NPAS3: variants seen among roughly 807,000 people sequenced by gnomAD.
The protein encoded by NPAS3 is neuronal PAS domain-containing protein 3.
A neutral mutation model predicts 73.1 loss-of-function variants in NPAS3; 14 were observed. The ratio of observed to expected loss-of-function variants is 0.19; its 90% CI spans 0.13 to 0.30. The LOEUF is 0.30. Among genes scored for constraint, NPAS3 ranks in the 10% least tolerant of loss-of-function variants. The pLI, the probability that NPAS3 is intolerant of heterozygous loss-of-function variation, is 1.00. For synonymous variants in NPAS3, 620 were observed against 541.5 expected, an observed-to-expected ratio of 1.14 and a Z score of -2.01; for missense variants, 1,096 against 1,250.0, an observed-to-expected ratio of 0.88 and a Z score of 1.86.
chr14:33,535,142 C>T (rs1438705488), intron 4 of NPAS3, among the ~76,000 whole-genome samples: 2 of 152,128 alleles, frequency 1.3e-5, no homozygotes, highest in African/African-American at 4.8e-5. Flanking sequence ...GTAGTATTTA[C>T]TCAAATTCTA....
chr14:33,197,520 G>C (rs1196168584), intron 2 of NPAS3, among the ~76,000 whole-genome samples: 2 of 150,706 alleles, frequency 1.3e-5, no homozygotes, highest in African/African-American at 2.4e-5. Flanking sequence ...GGAGCATATT[G>C]TCAGAAAAAA....
In NPAS3 at chr14:33,040,881, G is replaced by A. The variant is rs2040327118; in HGVS notation, c.51-15024G>A. 2.6e-5 allele frequency among the ~76,000 whole-genome samples: 4 copies of A among 152,262 alleles called. No homozygotes were observed. In the South Asian group the frequency reaches 8.3e-4, roughly 32 times the overall value. On this transcript the variant is annotated intron_variant, in intron 1 of 11. Coordinates refer to ENST00000356141, the Ensembl canonical transcript of NPAS3. Reference sequence around the variant, plus strand: ...CATAGAACTTGCATTTCACAGTGATGTTTTTCCCCCAAGCACCCGAACTTC... The same window carrying A: ...CATAGAACTTGCATTTCACAGTGATATTTTTCCCCCAAGCACCCGAACTTC...
At chr14:33,538,360 C>A (rs1162849919) in intron 4 of NPAS3, among the ~76,000 whole-genome samples, 1 of 152,186 alleles carries the variant, frequency 6.6e-6, no homozygotes, top group Admixed American at 6.5e-5. Flanking sequence ...AGAGTCAGAC[C>A]TTCTTCTCCC....
chr14:33,541,979 G>A (rs1012007815), intron 4 of NPAS3, among the ~76,000 whole-genome samples: 10 of 152,022 alleles, frequency 6.6e-5, no homozygotes, highest in South Asian at 2.1e-4. Context: ...GTTAGCCTCC[G>A]TCTCAAGACA....
At chr14:33,360,666 T>C (rs894016899) in intron 3 of NPAS3, among the ~76,000 whole-genome samples, 5 of 152,234 alleles carry the variant, frequency 3.3e-5, no homozygotes, top group Non-Finnish European at 5.9e-5. Context: ...ATCATTGTTC[T>C]TCTGGAATAA....
chr14:33,077,619 T>C (rs944282263), intron 2 of NPAS3, among the ~76,000 whole-genome samples: 5 of 152,144 alleles, frequency 3.3e-5, no homozygotes, highest in Admixed American at 6.5e-5. Flanking sequence ...AAAAGAAAGC[T>C]TTTGCACTCT....
At chr14:33,257,782 T>C (rs191674193) in intron 3 of NPAS3, among the ~76,000 whole-genome samples, 174 of 152,304 alleles carry the variant, frequency 1.1e-3, no homozygotes, top group Admixed American at 2.4e-3. Flanking sequence ...CCCCCAAGAA[T>C]AACTGTGCCT....
At chr14:33,205,979 G>A (rs1358770566) in intron 2 of NPAS3, among the ~76,000 whole-genome samples, 1 of 152,044 alleles carries the variant, frequency 6.6e-6, no homozygotes, top group Admixed American at 6.6e-5. Context: ...ATTTAGTTTG[G>A]GACTTATAGC....
At chr14:33,311,530 GA>G (rs1350989266) in intron 3 of NPAS3, among the ~76,000 whole-genome samples, 1 of 151,974 alleles carries the variant, frequency 6.6e-6, no homozygotes, top group Non-Finnish European at 1.5e-5. Flanking sequence ...GTGTCATCTG[GA>G]TATAGCTGGT....
chr14:33,325,974 G>A (rs1205434029), intron 3 of NPAS3, among the ~76,000 whole-genome samples: 2 of 152,102 alleles, frequency 1.3e-5, no homozygotes, highest in African/African-American at 4.8e-5. Context: ...AATAATTAGG[G>A]TACTCAAGAA....
At chr14:33,324,171 G>A (rs902698715) in intron 3 of NPAS3, among the ~76,000 whole-genome samples, 7 of 152,100 alleles carry the variant, frequency 4.6e-5, no homozygotes, top group Non-Finnish European at 8.8e-5. Context: ...TCTGCCAGTG[G>A]AGCATTTGCA....
intron 6 of NPAS3, among the ~76,000 whole-genome samples, chr14:33,690,210 T>A (rs1331539025): frequency 1.3e-5 from 2 of 152,150 alleles, no homozygotes; most frequent in East Asian, 3.9e-4. Context: ...GTGGCGGTAC[T>A]CGGTATTGGT....
At chr14:33,543,420 AT>A (rs1030980830) in intron 4 of NPAS3, among the ~76,000 whole-genome samples, 2 of 152,096 alleles carry the variant, frequency 1.3e-5, no homozygotes, top group Admixed American at 6.5e-5. Flanking sequence ...TTCTTTATAG[AT>A]TTTATATCAG....
At chr14:33,432,554 C>A (rs2048826585) in intron 4 of NPAS3, among the ~76,000 whole-genome samples, 1 of 152,112 alleles carries the variant, frequency 6.6e-6, no homozygotes, top group South Asian at 2.1e-4. Context: ...CATGTTGACT[C>A]CACTTTGAAC....
chr14:33,278,012 G>A (rs1220593539), intron 3 of NPAS3, among the ~76,000 whole-genome samples: 1 of 152,038 alleles, frequency 6.6e-6, no homozygotes, highest in Non-Finnish European at 1.5e-5. Context: ...CGTACACTAA[G>A]GTATGGTGAA....
intron 3 of NPAS3, among the ~76,000 whole-genome samples, chr14:33,291,823 C>T (rs192842634): frequency 2.4e-4 from 37 of 152,298 alleles, no homozygotes; most frequent in African/African-American, 7.5e-4. Flanking sequence ...GAAGGTATTA[C>T]GGAATAACGG....
At chr14:33,747,474 G>A (rs1433872844) in intron 7 of NPAS3, among the ~76,000 whole-genome samples, 1 of 152,054 alleles carries the variant, frequency 6.6e-6, no homozygotes. Context: ...ATCCCTCTAG[G>A]GATGCCCCCC....
At chr14:33,795,572 G>A (rs1415952542) in intron 10 of NPAS3, among the ~76,000 whole-genome samples, 4 of 152,166 alleles carry the variant, frequency 2.6e-5, no homozygotes, top group East Asian at 1.9e-4. Context: ...AGAATTAAAC[G>A]CTGGAAACAG....
chr14:33,164,077 T>C (rs1459042071), intron 2 of NPAS3, among the ~76,000 whole-genome samples: 1 of 152,214 alleles, frequency 6.6e-6, no homozygotes, highest in Non-Finnish European at 1.5e-5. Flanking sequence ...GCCAAATATT[T>C]CAAAATGATA....
Sources: gnomAD v4.1 joint callset for allele counts (sites outside exome capture counted in the v4.1 genomes callset) on GRCh38, gnomAD v4.1.1 for gene constraint, MANE v1.5 for transcripts, NCBI Gene and HGNC (gene_info 2026-07-23, HGNC 2026-07-21) for gene names.